ENTR1: variants seen among roughly 807,000 people sequenced by gnomAD.
ENTR1 encodes the protein endosome associated trafficking regulator 1.
A neutral mutation model predicts 47.9 loss-of-function variants in ENTR1; 47 were observed. The ratio of observed to expected loss-of-function variants is 0.98; its 90% confidence interval spans 0.78 to 1.25. ENTR1 has a LOEUF of 1.25. Among genes scored for constraint, ENTR1 ranks in the 50% most tolerant of loss-of-function variants. The probability of loss-of-function intolerance (pLI) is 0.00; values close to 1 mark genes in which losing one functional copy is unlikely to be tolerated. For synonymous variants in ENTR1, 290 were observed against 245.8 expected (o/e 1.18, Z -1.68); for missense variants, 668 against 570.5 (o/e 1.17, Z -1.74).
At chr9:136,403,416 C>CG (rs571653929) in intron 9 of ENTR1, among the ~76,000 whole-genome samples, 520 of 42,088 alleles carry the variant, frequency 0.012, 19 homozygotes, top group Non-Finnish European at 0.014. Flanking sequence ...TGGGGTTTGC[C>CG]GGGGAAGAAA....
chr9:136,402,647 G>T lies in ENTR1; in HGVS notation c.*141C>A, dbSNP rs1354885898. ...ATTGTGGTGGCCAAGAACTGGCTGA[G>T]GGCACGACACTGGACTCTTGCGATC... On this transcript the variant is annotated 3_prime_UTR_variant, in exon 10 of 10. Transcript: ENST00000357365. The T allele has an allele frequency of 3.4e-6, 2 of 591,450 alleles. No homozygotes were observed. Among genetic ancestry groups the T allele is most frequent in the African/African-American group, 3.8e-5 (2 of 53,214 alleles). The allele number at this position is 591,450 out of a possible 1,614,324, so 36.6% of individuals were successfully genotyped here.
rs1161035457 is a variant in ENTR1 at position 136,410,528 on chromosome 9, C to T, written c.-131G>A. ...CCCCGTCGCCCGCCGCTCGGCCGCCCCCGCGCCTCCGAGCCTCTCGCCGCT... is the reference window on the plus strand; with the variant it reads ...CCCCGTCGCCCGCCGCTCGGCCGCCTCCGCGCCTCCGAGCCTCTCGCCGCT... On this transcript the variant is annotated 5_prime_UTR_variant, in exon 1 of 10. Transcript: ENST00000357365. 8.5e-6 allele frequency: 9 copies of T among 1,060,526 alleles called. No individual in the cohort carries two copies. Among genetic ancestry groups the T allele is most frequent in the Non-Finnish European group, 2.4e-6 (2 of 847,712 alleles). The allele number at this position is 1,060,526 out of a possible 1,614,324, so 65.7% of individuals were successfully genotyped here.
chr9:136,405,034 T>C lies in ENTR1; in HGVS notation c.1005+57A>G, dbSNP rs1588784975. On this transcript the variant is annotated intron_variant, in intron 7 of 9. Coordinates refer to ENST00000357365, the MANE Select transcript of ENTR1 (RefSeq NM_001039707.2). ...ACCGGCTGCTGAGGACAACAGCACT[T>C]TCTCAGGAGCGCTCCTGCCCCACCC... is the stretch of plus-strand genomic sequence containing the variant. 7.2e-6 allele frequency: 10 copies of C among 1,398,258 alleles called. No homozygotes were observed. The East Asian group carries it at 2.3e-4, about 32-fold the overall frequency. 86.6% of individuals were successfully genotyped at this position (1,398,258 alleles called of 1,614,324 possible). A position where few individuals can be genotyped will look rare whatever the true frequency, so the allele number is the denominator to read the frequency against.
In ENTR1 at chr9:136,407,465, G is replaced by A. The variant is rs773278259; in HGVS notation, c.499C>T (p.Pro167Ser). 5.6e-6 allele frequency: 9 copies of A among 1,610,936 alleles called. No individual in the cohort carries two copies. The highest frequency in any genetic ancestry group is 5.9e-6 in the Non-Finnish European group (7 of 1,179,864). The change falls in exon 5 of 10, where the codon CCG becomes TCG. Residue 167 changes from proline to serine, a missense_variant. Coordinates refer to ENST00000357365, the MANE Select transcript of ENTR1 (RefSeq NM_001039707.2). ...LEYQQPFFED[P>S]TGAGDLLDEE... is the part of the protein sequence containing the mutation. The stretch of plus-strand genomic sequence containing the variant: ...TCCAGGAGGTCACCAGCCCCTGTCG[G>A]ATCCTCGAAAAATGGCTGCTGATAC...
chr9:136,404,533 G>T, intron 8 of ENTR1, 98 bp downstream of exon 8: 1 of 1,328,440 alleles, frequency 7.5e-7, no homozygotes, highest in Non-Finnish European at 1.1e-6. Flanking sequence ...CTTGGGCTCA[G>T]GGGAAACCCC....
chr9:136,410,311 G>T lies in ENTR1; in HGVS notation c.70+17C>A. On this transcript the variant is annotated intron_variant, in intron 1 of 9. Transcript: ENST00000357365. ...CCGCCCACCTGGACCGCTGGACTCG[G>T]CCCCTGCCCCGCTCACCGTCGGGAA... is the stretch of plus-strand genomic sequence containing the variant. The T allele has an allele frequency of 6.5e-7, 1 of 1,549,020 alleles. No homozygotes were observed. The highest frequency in any genetic ancestry group is 8.7e-7 in the Non-Finnish European group (1 of 1,146,664).
chr9:136,410,590 G>T lies in ENTR1; in HGVS notation c.-193C>A. On this transcript the variant is annotated 5_prime_UTR_variant, in exon 1 of 10. Coordinates refer to ENST00000357365, the MANE Select transcript of ENTR1 (RefSeq NM_001039707.2). The stretch of plus-strand genomic sequence containing the variant: ...GAGCACCGAAAGCGCGTGCCTGAAC[G>T]CCTTGGGCCGTCGGCGAGGGGGAGG... 19 of 1,245,256 alleles carry T rather than the reference G, an allele frequency of 1.5e-5. No individual in the cohort carries two copies. The South Asian group carries it at 4.7e-4, about 31-fold the overall frequency. The allele number at this position is 1,245,256 out of a possible 1,614,324, so 77.1% of individuals were successfully genotyped here.
At position 136,407,216 on chromosome 9, in the gene ENTR1, C is replaced by T. The variant is rs371939772; in HGVS notation, c.748G>A (p.Ala250Thr). 2.2e-5 allele frequency: 35 copies of T among 1,613,156 alleles called. No homozygotes were observed. The highest frequency in any genetic ancestry group is 5.3e-5 in the African/African-American group (4 of 75,044). The change falls in exon 5 of 10, where the codon GCA (alanine) becomes ACA (threonine). Residue 250 changes from alanine (A) to threonine (T), a missense_variant. By Grantham distance (58) the Ala-to-Thr change is moderately conservative. Coordinates refer to ENST00000357365, the MANE Select transcript of ENTR1 (RefSeq NM_001039707.2). ...SPASPAGSPS[A>T]DFAVHGESLG... ...GACTCTCCATGAACCGCAAAGTCTG[C>T]GCTAGGACTCCCTGCCGGAGAGGCC...
chr9:136,404,484 A>G (rs1326993518), intron 8 of ENTR1, 147 bp downstream of exon 8: 1 of 905,384 alleles, frequency 1.1e-6, no homozygotes, highest in Admixed American at 2.6e-5. Flanking sequence ...ACGCCCTGAC[A>G]GGAAGCGGCT....
chr9:136,404,543 C>T (rs1834666448), intron 8 of ENTR1, 88 bp downstream of exon 8: 2 of 1,403,398 alleles, frequency 1.4e-6, no homozygotes, highest in East Asian at 2.3e-5. Context: ...GGGGAAACCC[C>T]AGCAGAGTCT....
At position 136,405,851 on chromosome 9, in the gene ENTR1, T is replaced by C. The variant is rs61384172; in HGVS notation, c.893+54A>G. 3,745 of 1,110,414 alleles carry C rather than the reference T, an allele frequency of 3.4e-3. 76 individuals are homozygous for C. The African/African-American group carries it at 0.052, about 15-fold the overall frequency. The allele number at this position is 1,110,414 out of a possible 1,614,324, so 68.8% of individuals were successfully genotyped here. ...TACTTCATTATCATTTAAAAACGGA[T>C]TTCCCTGTGTATTAGATGTTGTGGA... On this transcript the variant is annotated intron_variant, in intron 6 of 9. Coordinates refer to ENST00000357365, the MANE Select transcript of ENTR1 (RefSeq NM_001039707.2).
intron 2 of ENTR1, among the ~76,000 whole-genome samples, chr9:136,409,414 C>G (rs911271694): frequency 1.3e-5 from 2 of 152,152 alleles, no homozygotes; most frequent in African/African-American, 4.8e-5. Flanking sequence ...ATCTCCTGAC[C>G]TCATGATCCG....
At position 136,404,670 on chromosome 9, in the gene ENTR1, G is replaced by A; in HGVS notation, c.1029C>T (p.Asn343=). The A allele has an allele frequency of 4.3e-6, 7 of 1,614,092 alleles. No individual in the cohort carries two copies. Among genetic ancestry groups the A allele is most frequent in the Non-Finnish European group, 5.9e-6 (7 of 1,180,020 alleles). ...TTTCCTGTTTTAGTTTCACGACGTGGTTTTCTGCCTTTACAGCCCGTTTCT... is the reference window on the plus strand; with the variant it reads ...TTTCCTGTTTTAGTTTCACGACGTGATTTTCTGCCTTTACAGCCCGTTTCT... ...LMTKRAVKAE[N]HVVKLKQEIS... The change falls in exon 8 of 10, where the codon AAC becomes AAT. Residue 343 remains asparagine (N), a synonymous_variant. Transcript: ENST00000357365.
chr9:136,406,279 C>T (rs1343941247), intron 5 of ENTR1, among the ~76,000 whole-genome samples: 1 of 151,896 alleles, frequency 6.6e-6, no homozygotes, highest in Non-Finnish European at 1.5e-5. Context: ...ACCAGCCTGG[C>T]CAACACGGTG....
In ENTR1 at chr9:136,407,142, T is replaced by C; in HGVS notation, c.819+3A>G. The C allele has an allele frequency of 6.3e-7, 1 of 1,586,040 alleles. No individual in the cohort carries two copies. Among genetic ancestry groups the C allele is most frequent in the Non-Finnish European group, 8.6e-7 (1 of 1,161,710 alleles). ...GCCAGAGGGCGCCGTGAGGCTCACT[T>C]ACTGCGTCGTAACTTATCTGCAGCG... On this transcript the variant is annotated splice_donor_region_variant and intron_variant, in intron 5 of 9. Transcript: ENST00000357365.
At chr9:136,406,634 G>A (rs1384257013) in intron 5 of ENTR1, among the ~76,000 whole-genome samples, 6 of 151,698 alleles carry the variant, frequency 4.0e-5, no homozygotes, top group African/African-American at 1.2e-4. Context: ...CTGCCGCCAC[G>A]CCCAGCTAAT....
chr9:136,405,717 G>A (rs1384975636), intron 6 of ENTR1, among the ~76,000 whole-genome samples, 188 bp downstream of exon 6: 1 of 152,232 alleles, frequency 6.6e-6, no homozygotes, highest in African/African-American at 2.4e-5. Flanking sequence ...ACCCGAGCCT[G>A]GGTGACACGG....
intron 4 of ENTR1, 124 bp from the exon 5 acceptor site, chr9:136,407,685 C>T (rs1218303183): frequency 7.0e-7 from 1 of 1,424,776 alleles, no homozygotes; most frequent in Non-Finnish European, 9.4e-7. Context: ...AGGAGCCCAG[C>T]AGCTTCTGAG....
intron 8 of ENTR1, 92 bp from the exon 9 acceptor site, chr9:136,404,286 G>T: frequency 2.7e-6 from 4 of 1,504,172 alleles, no homozygotes; most frequent in Non-Finnish European, 2.7e-6. Context: ...ACCCGTGGGG[G>T]CCTGGCACTC....
Sources: allele counts gnomAD v4.1 joint callset (sites outside exome capture counted in the v4.1 genomes callset), GRCh38; gene constraint gnomAD v4.1.1; transcripts MANE v1.5; gene names NCBI Gene and HGNC (gene_info 2026-07-23, HGNC 2026-07-21).